Variants in OPHN1 observed in about 807,000 individuals in gnomAD.
The protein encoded by OPHN1 is oligophrenin-1.
A neutral mutation model predicts 60.7 loss-of-function variants in OPHN1; 11 were observed. The observed-to-expected ratio is 0.18, with a 90% CI of 0.11 to 0.30. OPHN1 has a LOEUF of 0.30. OPHN1 is among the 10% of genes least tolerant of loss of function. The probability of loss-of-function intolerance (pLI) is 1.00; values close to 1 mark genes in which losing one functional copy is unlikely to be tolerated. For synonymous variants in OPHN1, 226 were observed against 222.6 expected (o/e 1.02, Z -0.14); for missense variants, 449 against 611.0 (o/e 0.73, Z 2.80).
intron 5 of OPHN1, among the ~76,000 whole-genome samples, chrX:68,238,697 T>G (rs1029465393): frequency 1.8e-5 from 2 of 111,548 alleles, no homozygotes; most frequent in East Asian, 5.7e-4. Context: ...AGTTCCCTTA[T>G]CCCCTTCACA....
chrX:68,221,985 A>T (rs1436961067), intron 6 of OPHN1, among the ~76,000 whole-genome samples: 2 of 108,343 alleles, frequency 1.8e-5, no homozygotes, highest in Non-Finnish European at 3.8e-5. Flanking sequence ...ATCAGAGCAA[A>T]CAGGCAACCT....
At chrX:68,166,050 A>G (rs2077356697) in intron 15 of OPHN1, among the ~76,000 whole-genome samples, 1 of 112,261 alleles carries the variant, frequency 8.9e-6, no homozygotes, top group South Asian at 3.7e-4. Flanking sequence ...ACACACATTA[A>G]CTCAAAATGC....
At chrX:68,331,149 A>G (rs943714669) in intron 2 of OPHN1, among the ~76,000 whole-genome samples, 10 of 105,900 alleles carry the variant, frequency 9.4e-5, no homozygotes, top group African/African-American at 3.4e-4. Context: ...GTAAAATTAT[A>G]TTGTACTTGT....
intron 15 of OPHN1, among the ~76,000 whole-genome samples, chrX:68,152,078 G>C (rs754715341): frequency 9.0e-6 from 1 of 110,588 alleles, no homozygotes; most frequent in Non-Finnish European, 1.9e-5. Context: ...GGCACTGAGG[G>C]GATGATGCTA....
At chrX:68,432,438 C>T (rs988288091) in intron 2 of OPHN1, among the ~76,000 whole-genome samples, 1 of 111,899 alleles carries the variant, frequency 8.9e-6, no homozygotes, top group Non-Finnish European at 1.9e-5. Context: ...GAGACCAGGA[C>T]AAAATTATTA....
intron 6 of OPHN1, 134 bp from the exon 7 acceptor site, chrX:68,214,106 A>C: frequency 2.0e-6 from 1 of 488,682 alleles, no homozygotes; most frequent in Non-Finnish European, 3.7e-6. Context: ...TTATTTTAGA[A>C]ATAGAGAACC....
chrX:68,209,173 T>C (rs1363280814), intron 9 of OPHN1, among the ~76,000 whole-genome samples: 2 of 111,879 alleles, frequency 1.8e-5, no homozygotes, highest in Non-Finnish European at 3.8e-5. Flanking sequence ...TATTGGGTCA[T>C]AGTTCAAAGG....
chrX:68,222,955 A>C (rs2077670029), intron 6 of OPHN1, among the ~76,000 whole-genome samples: 1 of 110,887 alleles, frequency 9.0e-6, no homozygotes, highest in African/African-American at 3.3e-5. Context: ...ATAAATAAAA[A>C]GAAAAAAAAA....
intron 15 of OPHN1, among the ~76,000 whole-genome samples, chrX:68,148,063 G>A (rs1210212207): frequency 9.0e-6 from 1 of 110,871 alleles, no homozygotes; most frequent in Non-Finnish European, 1.9e-5. Flanking sequence ...TGAGGAAGTG[G>A]GATTTTAAAT....
intron 5 of OPHN1, among the ~76,000 whole-genome samples, chrX:68,264,405 T>TACAAG (rs1187104799): frequency 1.8e-5 from 2 of 110,683 alleles, no homozygotes; most frequent in Admixed American, 1.9e-4. Context: ...CAAACAAATT[T>TACAAG]ACAAGAAAAA....
At chrX:68,293,344 A>G (rs968083602) in intron 3 of OPHN1, among the ~76,000 whole-genome samples, 3 of 112,324 alleles carry the variant, frequency 2.7e-5, no homozygotes, top group African/African-American at 9.7e-5. Context: ...TAATATTCAC[A>G]TTAAACAAAA....
chrX:68,102,839 C>T (rs914740464), intron 18 of OPHN1, among the ~76,000 whole-genome samples: 4 of 111,506 alleles, frequency 3.6e-5, no homozygotes, highest in Admixed American at 1.9e-4. Flanking sequence ...GAAGTTGTAT[C>T]CCTGAATAGA....
intron 2 of OPHN1, among the ~76,000 whole-genome samples, chrX:68,431,713 C>A (rs2078886984): frequency 9.0e-6 from 1 of 110,930 alleles, no homozygotes; most frequent in Non-Finnish European, 1.9e-5. Flanking sequence ...CAGGCGTGAG[C>A]CACCTCGCCC....
chrX:68,227,108 T>C (rs1602254123), intron 6 of OPHN1, among the ~76,000 whole-genome samples: 1 of 111,314 alleles, frequency 9.0e-6, no homozygotes, highest in East Asian at 2.8e-4. Context: ...GTTGCAATCC[T>C]AGGCTCTGAT....
At chrX:68,172,283 T>C (rs1331643811) in intron 15 of OPHN1, among the ~76,000 whole-genome samples, 1 of 112,275 alleles carries the variant, frequency 8.9e-6, no homozygotes, top group Non-Finnish European at 1.9e-5. Context: ...TAAAAAGGAA[T>C]GAATTCCTGA....
At chrX:68,074,171 T>C (rs1011000843) in intron 19 of OPHN1, among the ~76,000 whole-genome samples, 2 of 111,445 alleles carry the variant, frequency 1.8e-5, no homozygotes, top group South Asian at 7.6e-4. Context: ...CCCCAGTGAT[T>C]AGTGTAAAGA....
At chrX:68,420,012 C>G (rs1483140217) in intron 2 of OPHN1, among the ~76,000 whole-genome samples, 2 of 111,447 alleles carry the variant, frequency 1.8e-5, no homozygotes, top group African/African-American at 6.5e-5. Flanking sequence ...GACTGTCTTC[C>G]TCAGCAGCCT....
intron 2 of OPHN1, among the ~76,000 whole-genome samples, chrX:68,388,980 A>C (rs1206217954): frequency 9.3e-6 from 1 of 108,063 alleles, no homozygotes; most frequent in African/African-American, 3.4e-5. Context: ...TTTTTGAGAC[A>C]GGGTCTCATT....
At chrX:68,048,660 G>A (rs1000609662) in intron 23 of OPHN1, among the ~76,000 whole-genome samples, 5 of 112,163 alleles carry the variant, frequency 4.5e-5, no homozygotes, top group Admixed American at 9.4e-5. Context: ...GAGATGTGAA[G>A]ACATCTTTCA....
Sources: allele counts gnomAD v4.1 joint callset (sites outside exome capture counted in the v4.1 genomes callset), GRCh38; gene constraint gnomAD v4.1.1; transcripts MANE v1.5; gene names NCBI Gene and HGNC (gene_info 2026-07-23, HGNC 2026-07-21).